Variants in SLC22A8 observed in about 807,000 individuals in gnomAD.
SLC22A8 encodes organic anion transporter 3.
In SLC22A8, 40 loss-of-function variants were observed where a neutral mutation model predicts 48.4. The ratio of observed to expected loss-of-function variants is 0.83; its 90% confidence interval spans 0.64 to 1.08. The LOEUF (loss-of-function observed/expected upper bound fraction) is 1.08, where lower values mean the gene tolerates loss of function less well. Among genes scored for constraint, SLC22A8 ranks in the 50% least tolerant of loss-of-function variants. The pLI is 0.00. For missense variants in SLC22A8, 606 were observed against 699.0 expected, an observed-to-expected ratio of 0.87 and a Z score of 1.50; for synonymous variants, 268 against 286.3, an observed-to-expected ratio of 0.94 and a Z score of 0.65.
intron 8 of SLC22A8, 61 bp from the exon 9 acceptor site, chr11:62,993,939 C>T (rs2086377111): frequency 2.0e-6 from 2 of 1,010,848 alleles, no homozygotes; most frequent in Admixed American, 1.7e-5. Flanking sequence ...AGTTCTCACT[C>T]CTTAGCTGAT....
intron 5 of SLC22A8, among the ~76,000 whole-genome samples, chr11:62,997,894 C>T (rs968420318): frequency 3.3e-5 from 5 of 152,192 alleles, no homozygotes; most frequent in African/African-American, 4.8e-5. Flanking sequence ...AATAAAAGGT[C>T]GCTCCAAGAC....
chr11:62,999,877 C>T (rs1294127571), intron 3 of SLC22A8, 35 bp from the exon 4 acceptor site: 1 of 1,437,370 alleles, frequency 7.0e-7, no homozygotes, highest in Admixed American at 2.5e-5. Flanking sequence ...CCAGGTTAGC[C>T]ACAGTGTGCC....
At chr11:63,002,192 G>A (rs923807459) in intron 2 of SLC22A8, among the ~76,000 whole-genome samples, 6 of 152,014 alleles carry the variant, frequency 3.9e-5, no homozygotes, top group Non-Finnish European at 7.4e-5. Flanking sequence ...TTACAGATGT[G>A]AGTCACCACA....
intron 2 of SLC22A8, among the ~76,000 whole-genome samples, chr11:63,006,594 A>ATTTTTT (rs1422056569): frequency 2.3e-5 from 1 of 42,836 alleles, no homozygotes; most frequent in Non-Finnish European, 4.6e-5. Context: ...GTCTCATTTG[A>ATTTTTT]GTTTTTTTTT....
In SLC22A8 at chr11:62,999,804, A is replaced by T. The variant is rs749974753; in HGVS notation, c.476T>A (p.Leu159Gln). The T allele has an allele frequency of 1.2e-5, 20 of 1,602,858 alleles. No homozygotes were observed. In the Admixed American group the frequency reaches 3.4e-4, roughly 27 times the overall value. The change falls in exon 4 of 11, where the codon CTG becomes CAG. Residue 159 changes from leucine to glutamine, a missense_variant. Physicochemically the swap from Leu to Gln is moderately radical, Grantham distance 113 (BLOSUM62 -2). Transcript: ENST00000336232. ...RRPILTCSYL[L>Q]LAASGSGAAF... is the part of the protein sequence containing the mutation. ...TGCACCGGAGCCGCTGGCTGCCAGC[A>T]GCAGGTAGCTGCAGGTCAGGATGGG... is the stretch of plus-strand genomic sequence containing the variant.
chr11:63,015,577 G>A (rs1422586317), intron 1 of SLC22A8, among the ~76,000 whole-genome samples, 152 bp downstream of exon 1: 1 of 152,232 alleles, frequency 6.6e-6, no homozygotes, highest in Non-Finnish European at 1.5e-5. Context: ...AGTTCCCTGG[G>A]GCTGGGCCCA....
At chr11:62,995,151 C>T (rs1281152387) in intron 7 of SLC22A8, 1 of 309,172 alleles carries the variant, frequency 3.2e-6, no homozygotes, top group East Asian at 7.3e-5. Flanking sequence ...TTCCCTTCCT[C>T]TCTCTGAACT....
At chr11:63,001,627 A>C (rs1365649849) in intron 2 of SLC22A8, among the ~76,000 whole-genome samples, 1 of 152,108 alleles carries the variant, frequency 6.6e-6, no homozygotes, top group Admixed American at 6.5e-5. Flanking sequence ...CTCTCTGCCT[A>C]GTCCTTGAAG....
chr11:62,998,033 C>A (rs1394078311), intron 5 of SLC22A8, among the ~76,000 whole-genome samples: 3 of 152,118 alleles, frequency 2.0e-5, no homozygotes, highest in Non-Finnish European at 4.4e-5. Context: ...CTCCCTGCAA[C>A]CTTCACCTCT....
Position 62,995,036 on chromosome 11 carries a change from A to G in SLC22A8, c.1002-280T>C, listed in dbSNP as rs1436582240. 18 of 488,734 alleles carry G rather than the reference A, an allele frequency of 3.7e-5. No homozygotes were observed. In the South Asian group the frequency reaches 3.9e-4, roughly 11 times the overall value. The allele number at this position is 488,734 out of a possible 1,614,324, so 30.3% of individuals were successfully genotyped here. On this transcript the variant is annotated intron_variant, in intron 7 of 10. Transcript: ENST00000336232. ...CTAGAGAAGATCAGGACTGGAGGGA[A>G]TCTCGGAGACCAAAGGAGGCAGTAA...
In SLC22A8 at chr11:62,995,773, T is replaced by G; in HGVS notation, c.932A>C (p.Lys311Thr). The G allele has an allele frequency of 6.2e-7, 1 of 1,614,134 alleles. No homozygotes were observed. Among genetic ancestry groups the G allele is most frequent in the Non-Finnish European group, 8.5e-7 (1 of 1,179,992 alleles). The change falls in exon 7 of 11, where the codon AAG (lysine) becomes ACG (threonine). Residue 311 changes from lysine (K) to threonine (T), a missense_variant. Coordinates refer to ENST00000336232, the MANE Select transcript of SLC22A8 (RefSeq NM_004254.4). ...LQKEISLAKA[K>T]YTASDLFRIP... is the part of the protein sequence containing the mutation. ...CCGGAACAGGTCACTTGCGGTGTAC[T>G]TGGCCTTGGCCAAGGAGATCTCCTT...
chr11:62,996,213 G>A, intron 5 of SLC22A8, 61 bp from the exon 6 acceptor site: 1 of 1,514,186 alleles, frequency 6.6e-7, no homozygotes, highest in Non-Finnish European at 8.9e-7. Flanking sequence ...TTGAGAGGCT[G>A]GAAGAACATC....
chr11:62,998,615 A>G (rs2086451352), intron 5 of SLC22A8, among the ~76,000 whole-genome samples: 1 of 150,832 alleles, frequency 6.6e-6, no homozygotes. Context: ...GTGGCTTTCT[A>G]CCTCCCTCCA....
intron 2 of SLC22A8, among the ~76,000 whole-genome samples, chr11:63,002,544 C>T (rs184726892): frequency 1.3e-5 from 2 of 152,212 alleles, no homozygotes; most frequent in African/African-American, 4.8e-5. Context: ...GCCCCTTCCC[C>T]CCGAGCTTTT....
Position 62,996,200 on chromosome 11 carries a change from C to T in SLC22A8, c.762-48G>A, listed in dbSNP as rs1388791977. 3.9e-6 allele frequency: 6 copies of T among 1,539,350 alleles called. No homozygotes were observed. In the African/African-American group the frequency reaches 5.5e-5, roughly 14 times the overall value. On this transcript the variant is annotated intron_variant, in intron 5 of 10. Transcript: ENST00000336232. ...AGTGGCTCCTCCCACTCCAGAGCCC[C>T]TTTTGAGAGGCTGGAAGAACATCAA...
In SLC22A8 at chr11:62,999,062, C is replaced by T. The variant is rs575071907; in HGVS notation, c.620G>A (p.Arg207Gln). ...CCCGAGTGCTGTCGACATGATGGCC[C>T]GCATCCGGGTAGGCACCCATTCCAC... The part of the protein sequence containing the change: ...LNVEWVPTRM[R>Q]AIMSTALGYC... The change falls in exon 5 of 11, where the codon CGG becomes CAG. Residue 207 changes from arginine (R) to glutamine (Q), a missense_variant. Coordinates refer to ENST00000336232, the MANE Select transcript of SLC22A8 (RefSeq NM_004254.4). 1.1e-5 allele frequency: 17 copies of T among 1,613,808 alleles called. No homozygotes were observed. The East Asian group carries it at 1.1e-4, about 11-fold the overall frequency.
intron 2 of SLC22A8, among the ~76,000 whole-genome samples, chr11:63,009,737 C>T (rs2086596855): frequency 6.6e-6 from 1 of 152,186 alleles, no homozygotes; most frequent in African/African-American, 2.4e-5. Flanking sequence ...GGGAGACCGC[C>T]TCCACTCCTG....
chr11:63,008,728 C>T (rs755202432), intron 2 of SLC22A8, among the ~76,000 whole-genome samples: 10 of 152,146 alleles, frequency 6.6e-5, no homozygotes, highest in South Asian at 6.2e-4. Flanking sequence ...CTCACAGGGA[C>T]AGCTCATGCA....
At chr11:63,011,845 A>C (rs1167181747) in intron 2 of SLC22A8, among the ~76,000 whole-genome samples, 1 of 152,090 alleles carries the variant, frequency 6.6e-6, no homozygotes, top group Non-Finnish European at 1.5e-5. Flanking sequence ...CCTTAGGACA[A>C]AGGCCACACC....
Sources: gnomAD v4.1 joint callset for allele counts (sites outside exome capture counted in the v4.1 genomes callset) on GRCh38, gnomAD v4.1.1 for gene constraint, MANE v1.5 for transcripts, NCBI Gene and HGNC (gene_info 2026-07-23, HGNC 2026-07-21) for gene names.